The following LRRC37A2 variants were observed in gnomAD, a reference collection of about 807,000 sequenced individuals.
LRRC37A2 encodes leucine rich repeat containing 37 member A2, also known as leucine-rich repeat-containing protein 37A2.
A neutral mutation model predicts 68.8 loss-of-function variants in LRRC37A2; 9 were observed. The observed-to-expected ratio is 0.13, with a 90% CI of 0.08 to 0.23. The LOEUF (loss-of-function observed/expected upper bound fraction) is 0.23. Among genes scored for constraint, LRRC37A2 ranks in the 10% least tolerant of loss-of-function variants. The pLI is 1.00. For synonymous variants in LRRC37A2, 63 were observed against 367.6 expected, an observed-to-expected ratio of 0.17 and a Z score of 9.48; for missense variants, 168 against 950.4, an observed-to-expected ratio of 0.18 and a Z score of 10.82.
chr17:46,904,058 G>A, the LRRC37A2 span, among the ~76,000 whole-genome samples: 1 of 151,546 alleles, frequency 6.6e-6, no homozygotes. Context: ...TGAGTTGGTG[G>A]ATGGGTGAGT....
the LRRC37A2 span, among the ~76,000 whole-genome samples, chr17:46,610,127 T>G: frequency 2.4e-5 from 2 of 83,198 alleles, no homozygotes; most frequent in East Asian, 5.6e-4. Flanking sequence ...CTCTCTCTCT[T>G]CCTTTCTTCC....
chr17:46,833,305 G>A, the LRRC37A2 span: 8 of 503,824 alleles, frequency 1.6e-5, no homozygotes, highest in Non-Finnish European at 3.2e-5. Flanking sequence ...ACGTCCCACT[G>A]AAAGCAAGCT....
At chr17:46,923,387 G>T in the LRRC37A2 span, 1 of 1,464,848 alleles carries the variant, frequency 6.8e-7, no homozygotes, top group Non-Finnish European at 9.0e-7. Flanking sequence ...GGGACTCCCA[G>T]GTCAGCCACA....
the LRRC37A2 span, among the ~76,000 whole-genome samples, chr17:46,849,695 G>C: frequency 1.3e-5 from 2 of 152,154 alleles, no homozygotes; most frequent in African/African-American, 2.4e-5. Flanking sequence ...GCCATGATGG[G>C]AATATTTAAG....
At chr17:46,533,376 C>T (rs1271286163) in intron 6 of LRRC37A2, among the ~76,000 whole-genome samples, 6 of 100,044 alleles carry the variant, frequency 6.0e-5, no homozygotes, top group Admixed American at 2.1e-4. Flanking sequence ...AAAAACTTTG[C>T]TTCTCTAAAG....
At chr17:46,721,742 T>C in the LRRC37A2 span, 10 of 1,605,188 alleles carry the variant, frequency 6.2e-6, no homozygotes, top group Non-Finnish European at 7.7e-6. Flanking sequence ...GGGGATTCTC[T>C]TGCCCACAAT....
At chr17:46,610,099 T>TC in the LRRC37A2 span, among the ~76,000 whole-genome samples, 13 of 89,496 alleles carry the variant, frequency 1.5e-4, 1 homozygote, top group Admixed American at 6.3e-4. Context: ...TTTTCTCTCT[T>TC]TCTCTCTCTC....
intron 3 of LRRC37A2, among the ~76,000 whole-genome samples, chr17:46,519,212 A>G (rs1329840626): frequency 6.7e-6 from 1 of 150,318 alleles, no homozygotes; most frequent in Admixed American, 6.6e-5. Context: ...TCCCGGGTTC[A>G]AGGGATTCTC....
the LRRC37A2 span, chr17:47,021,737 C>T: frequency 1.3e-6 from 1 of 783,358 alleles, no homozygotes; most frequent in East Asian, 2.5e-5. Context: ...AATGAGAAAG[C>T]AGGTGTTATT....
chr17:46,631,001 T>C, the LRRC37A2 span, among the ~76,000 whole-genome samples: 1 of 141,676 alleles, frequency 7.1e-6, no homozygotes, highest in Non-Finnish European at 1.5e-5. Context: ...TTACCAATTG[T>C]CATATTTTCT....
At chr17:46,977,213 C>A in the LRRC37A2 span, among the ~76,000 whole-genome samples, 1 of 152,192 alleles carries the variant, frequency 6.6e-6, no homozygotes, top group Non-Finnish European at 1.5e-5. Flanking sequence ...GCATTCCCTT[C>A]GCTTCTCTTA....
chr17:46,413,418 T>C, the LRRC37A2 span, among the ~76,000 whole-genome samples: 1 of 73,222 alleles, frequency 1.4e-5, no homozygotes, highest in African/African-American at 3.7e-5. Context: ...GCTTTACCAA[T>C]TGTCATATTT....
chr17:46,718,855 A>C, the LRRC37A2 span, among the ~76,000 whole-genome samples: 3 of 152,174 alleles, frequency 2.0e-5, no homozygotes, highest in African/African-American at 7.2e-5. Flanking sequence ...TTTACTTATT[A>C]TTATACATAC....
chr17:46,970,161 C>T, the LRRC37A2 span, among the ~76,000 whole-genome samples: 1 of 152,152 alleles, frequency 6.6e-6, no homozygotes, highest in African/African-American at 2.4e-5. Flanking sequence ...GTGGTTCCAT[C>T]CCACGGCTGT....
chr17:46,838,941 G>T, the LRRC37A2 span, among the ~76,000 whole-genome samples: 1 of 152,018 alleles, frequency 6.6e-6, no homozygotes, highest in Non-Finnish European at 1.5e-5. Flanking sequence ...GAAGTGGAGT[G>T]ATCTTGGCTC....
the LRRC37A2 span, among the ~76,000 whole-genome samples, chr17:46,718,983 C>G: frequency 6.6e-6 from 1 of 152,040 alleles, no homozygotes; most frequent in African/African-American, 2.4e-5. Context: ...AAAAAATGCT[C>G]TTGGTTTTAT....
At chr17:46,841,540 T>C in the LRRC37A2 span, among the ~76,000 whole-genome samples, 38 of 152,130 alleles carry the variant, frequency 2.5e-4, no homozygotes, top group Non-Finnish European at 5.3e-4. Flanking sequence ...ATGTCCCAAA[T>C]TGAGAGCGGG....
the LRRC37A2 span, among the ~76,000 whole-genome samples, chr17:46,462,770 C>CA: frequency 1.0e-5 from 1 of 98,098 alleles, no homozygotes; most frequent in East Asian, 2.4e-4. Flanking sequence ...AATGGATTTA[C>CA]AAAAAAACAA....
the LRRC37A2 span, chr17:46,872,795 C>A: frequency 2.5e-6 from 2 of 788,918 alleles, no homozygotes; most frequent in Admixed American, 2.6e-5. Flanking sequence ...GGCTAGGGGA[C>A]GGGGAGGGCT....
Sources: gnomAD v4.1 joint callset for allele counts (sites outside exome capture counted in the v4.1 genomes callset) on GRCh38, gnomAD v4.1.1 for gene constraint, MANE v1.5 for transcripts, NCBI Gene and HGNC (gene_info 2026-07-23, HGNC 2026-07-21) for gene names.